The following RBM25 variants were observed in gnomAD, a reference collection of about 807,000 sequenced individuals.
The protein encoded by RBM25 is RNA-binding protein 25.
In RBM25, 19 loss-of-function variants were observed where a neutral mutation model predicts 120.7. The observed-to-expected ratio is 0.16, with a 90% CI of 0.11 to 0.23. RBM25 has a LOEUF of 0.23. Ranked by LOEUF, RBM25 falls within the 10% of genes least tolerant of loss-of-function variation. The pLI is 1.00. For missense variants in RBM25, 605 were observed against 1,041.5 expected, an observed-to-expected ratio of 0.58 and a Z score of 5.77; for synonymous variants, 390 against 326.7, an observed-to-expected ratio of 1.19 and a Z score of -2.09.
Position 73,080,074 on chromosome 14 carries a change from A to G in RBM25, c.324+2538A>G, listed in dbSNP as rs1895521586. Reference sequence around the variant, plus strand: ...TTTCTCCCTAGGTGTATGTGAAAAGATTCTCATCACAAATTCTCATAGAAG... The same window carrying G: ...TTTCTCCCTAGGTGTATGTGAAAAGGTTCTCATCACAAATTCTCATAGAAG... On this transcript the variant is annotated intron_variant, in intron 4 of 18. Transcript: ENST00000261973. 1.3e-5 allele frequency among the ~76,000 whole-genome samples: 2 copies of G among 150,342 alleles called. 1 individual carries two copies. The highest frequency in any genetic ancestry group is 1.3e-4 in the Admixed American group (2 of 15,018).
At chr14:73,062,985 T>A (rs1895040590) in intron 1 of RBM25, among the ~76,000 whole-genome samples, 1 of 150,878 alleles carries the variant, frequency 6.6e-6, no homozygotes, top group African/African-American at 2.4e-5. Flanking sequence ...CACACCTGGC[T>A]AATTTTTTGT....
At chr14:73,067,265 AGAG>A (rs1050118609) in intron 1 of RBM25, among the ~76,000 whole-genome samples, 14 of 152,036 alleles carry the variant, frequency 9.2e-5, no homozygotes, top group African/African-American at 3.1e-4. Context: ...AACCTGTATT[AGAG>A]AATTACCTGT....
intron 1 of RBM25, chr14:73,068,576 G>T: frequency 1.7e-6 from 1 of 576,668 alleles, no homozygotes; most frequent in South Asian, 1.4e-5. Context: ...TTTTGCCAGT[G>T]TACGGTAGAT....
At chr14:73,119,631 A>G (rs1292830614) in intron 18 of RBM25, 82 bp from the exon 19 acceptor site, 4 of 1,577,132 alleles carry the variant, frequency 2.5e-6, no homozygotes, top group Non-Finnish European at 2.6e-6. Context: ...TGGATGAAAA[A>G]CTTTTTTATA....
chr14:73,084,564 AT>A, intron 5 of RBM25, among the ~76,000 whole-genome samples: 1 of 151,292 alleles, frequency 6.6e-6, no homozygotes, highest in South Asian at 2.1e-4. Flanking sequence ...TGTGTTTTTT[AT>A]TTTTTTGGAG....
intron 6 of RBM25, among the ~76,000 whole-genome samples, chr14:73,095,508 A>G (rs1172754721): frequency 6.6e-6 from 1 of 151,954 alleles, no homozygotes; most frequent in Non-Finnish European, 1.5e-5. Flanking sequence ...CAGGAGGCTA[A>G]GGCAGGAGAA....
chr14:73,120,851 T>C lies in RBM25; in HGVS notation c.*1046T>C, dbSNP rs1038791208. On this transcript the variant is annotated 3_prime_UTR_variant, in exon 19 of 19. Transcript: ENST00000261973. ...ATGATAGGTATTCTGCTCGGCAATT[T>C]GTAAGTTTACATGTTATTTAAGGAT... 6.6e-6 allele frequency: 1 copy of C among 152,216 alleles called. No individual in the cohort carries two copies. Among genetic ancestry groups the C allele is most frequent in the African/African-American group, 2.4e-5 (1 of 41,460 alleles). 9.4% of individuals were successfully genotyped at this position (152,216 alleles called of 1,614,324 possible). A position where few individuals can be genotyped will look rare whatever the true frequency, so the allele number is the denominator to read the frequency against.
At chr14:73,089,467 G>A (rs1022753544) in intron 6 of RBM25, among the ~76,000 whole-genome samples, 1 of 148,132 alleles carries the variant, frequency 6.8e-6, no homozygotes, top group African/African-American at 2.5e-5. Context: ...TGATTCTCCT[G>A]CCTCAGCCTC....
Position 73,099,652 on chromosome 14 carries a change from C to T in RBM25, c.784-15C>T. 1 of 1,591,374 alleles carries T rather than the reference C, an allele frequency of 6.3e-7. No homozygotes were observed. Among genetic ancestry groups the T allele is most frequent in the Non-Finnish European group, 8.5e-7 (1 of 1,174,452 alleles). On this transcript the variant is annotated splice_polypyrimidine_tract_variant and intron_variant, in intron 8 of 18. Transcript: ENST00000261973. ...TGTTCTTTATTCATTCCCTCCTGTG[C>T]CCGTTTTCTTTTAGGAGGATATAAA...
intron 4 of RBM25, among the ~76,000 whole-genome samples, chr14:73,081,274 A>G (rs556943600): frequency 6.6e-6 from 1 of 152,196 alleles, no homozygotes; most frequent in East Asian, 1.9e-4. Context: ...AGTAGCTGGG[A>G]TTTCAGGCAC....
intron 10 of RBM25, 51 bp downstream of exon 10, chr14:73,103,529 G>C: frequency 6.6e-7 from 1 of 1,524,558 alleles, no homozygotes; most frequent in Non-Finnish European, 8.8e-7. Flanking sequence ...GAAAACTATC[G>C]GGTAGTCCTC....
chr14:73,105,791 C>T (rs2140457808), intron 10 of RBM25, 68 bp from the exon 11 acceptor site: 2 of 1,568,850 alleles, frequency 1.3e-6, no homozygotes, highest in East Asian at 2.2e-5. Flanking sequence ...GTATGTTGTC[C>T]TCCTTTACTT....
chr14:73,119,512 G>A (rs932691675), intron 18 of RBM25, among the ~76,000 whole-genome samples: 5 of 152,126 alleles, frequency 3.3e-5, no homozygotes, highest in African/African-American at 7.2e-5. Context: ...TGATCCGCTC[G>A]CTTCGGCCTC....
At chr14:73,071,225 A>G (rs1233811961) in intron 1 of RBM25, among the ~76,000 whole-genome samples, 2 of 139,636 alleles carry the variant, frequency 1.4e-5, no homozygotes, top group African/African-American at 2.7e-5. Context: ...CTGTCCACAG[A>G]GTGAGACTCT....
In RBM25 at chr14:73,111,819, A is replaced by G; in HGVS notation, c.2292+17A>G. The G allele has an allele frequency of 6.4e-7, 1 of 1,557,634 alleles. No individual in the cohort carries two copies. Among genetic ancestry groups the G allele is most frequent in the Non-Finnish European group, 8.6e-7 (1 of 1,157,204 alleles). On this transcript the variant is annotated intron_variant, in intron 16 of 18. Coordinates refer to ENST00000261973, the MANE Select transcript of RBM25 (RefSeq NM_021239.3). ...GTGGATTCTGTGAGTAGGAAATTATATTTCATCATATTATTGGGAACAGTT... is the reference window on the plus strand; with the variant it reads ...GTGGATTCTGTGAGTAGGAAATTATGTTTCATCATATTATTGGGAACAGTT...
intron 18 of RBM25, among the ~76,000 whole-genome samples, chr14:73,114,910 G>A (rs1026435152): frequency 1.3e-5 from 2 of 151,960 alleles, no homozygotes; most frequent in African/African-American, 4.8e-5. Context: ...AATAAATAAG[G>A]CTTCATTCTT....
chr14:73,104,982 T>C (rs1255438814), intron 10 of RBM25, among the ~76,000 whole-genome samples: 1 of 149,362 alleles, frequency 6.7e-6, no homozygotes, highest in East Asian at 1.9e-4. Flanking sequence ...ATCCATCTCT[T>C]ATATTTATGG....
At chr14:73,072,550 T>C (rs1895320636) in intron 2 of RBM25, among the ~76,000 whole-genome samples, 1 of 152,158 alleles carries the variant, frequency 6.6e-6, no homozygotes, top group Admixed American at 6.6e-5. Context: ...TCCTCAGAAA[T>C]TGGGGCTCAG....
At chr14:73,070,924 C>T (rs1594898886) in intron 1 of RBM25, among the ~76,000 whole-genome samples, 2 of 139,498 alleles carry the variant, frequency 1.4e-5, no homozygotes, top group African/African-American at 2.8e-5. Context: ...TCCAGCCTGG[C>T]GATAGAGCGA....
Sources: allele counts gnomAD v4.1 joint callset (sites outside exome capture counted in the v4.1 genomes callset), GRCh38; gene constraint gnomAD v4.1.1; transcripts MANE v1.5; gene names NCBI Gene and HGNC (gene_info 2026-07-23, HGNC 2026-07-21).